The following NLK variants were observed in gnomAD, a reference collection of about 807,000 sequenced individuals.
The protein encoded by NLK is serine/threonine-protein kinase NLK.
NLK carries 11 observed loss-of-function variants against 59.0 expected under a neutral mutation model. The observed-to-expected ratio is 0.19, with a 90% CI of 0.12 to 0.31. The LOEUF is 0.31. Ranked by LOEUF, NLK falls within the 10% of genes least tolerant of loss-of-function variation. The probability of loss-of-function intolerance (pLI) is 1.00; values close to 1 mark genes in which losing one functional copy is unlikely to be tolerated. For missense variants in NLK, 410 were observed against 661.1 expected, an observed-to-expected ratio of 0.62 and a Z score of 4.16; for synonymous variants, 235 against 235.9, an observed-to-expected ratio of 1.00 and a Z score of 0.03.
intron 3 of NLK, among the ~76,000 whole-genome samples, chr17:28,133,980 A>G (rs35396850): frequency 2.4e-3 from 361 of 152,272 alleles, no homozygotes; most frequent in African/African-American, 8.2e-3. Flanking sequence ...GTCACTGATC[A>G]ACACTGCTGG....
intron 1 of NLK, among the ~76,000 whole-genome samples, chr17:28,079,810 C>G (rs1372076681): frequency 6.6e-6 from 1 of 152,116 alleles, no homozygotes; most frequent in Non-Finnish European, 1.5e-5. Flanking sequence ...CTTTGCTGGG[C>G]AAAAGTTTTT....
chr17:28,121,125 C>G (rs1281550510), intron 1 of NLK, among the ~76,000 whole-genome samples: 1 of 152,002 alleles, frequency 6.6e-6, no homozygotes, highest in Non-Finnish European at 1.5e-5. Context: ...CTGTATTACC[C>G]AGGCTGGTCT....
chr17:28,061,055 G>T (rs918779446), intron 1 of NLK, among the ~76,000 whole-genome samples: 1 of 152,034 alleles, frequency 6.6e-6, no homozygotes, highest in Non-Finnish European at 1.5e-5. Flanking sequence ...ATGGGGTCTG[G>T]CTCTGACACC....
chr17:28,101,248 A>G (rs964061937), intron 1 of NLK, among the ~76,000 whole-genome samples: 3 of 152,158 alleles, frequency 2.0e-5, no homozygotes, highest in Admixed American at 6.5e-5. Flanking sequence ...TGTTTTACCT[A>G]TTCTAGGTCC....
chr17:28,092,888 C>T (rs1194153916), intron 1 of NLK, among the ~76,000 whole-genome samples: 1 of 151,804 alleles, frequency 6.6e-6, no homozygotes, highest in African/African-American at 2.4e-5. Context: ...ATCCGCCTCC[C>T]GGGTTCAAAC....
chr17:28,152,323 G>C (rs1907514863), intron 3 of NLK, among the ~76,000 whole-genome samples: 1 of 152,126 alleles, frequency 6.6e-6, no homozygotes, highest in South Asian at 2.1e-4. Context: ...GTATCAGTTT[G>C]TTTCGTTTAT....
downstream of NLK, among the ~76,000 whole-genome samples, chr17:28,197,481 A>AC (rs1303025025): frequency 2.0e-5 from 3 of 152,074 alleles, no homozygotes; most frequent in Non-Finnish European, 4.4e-5. Flanking sequence ...AAAAAAAAAA[A>AC]AAACAGAAAC....
intron 2 of NLK, among the ~76,000 whole-genome samples, chr17:28,128,534 G>A (rs936126916): frequency 6.6e-6 from 1 of 152,074 alleles, no homozygotes; most frequent in South Asian, 2.1e-4. Context: ...AAAATTTCAC[G>A]AAAGAGGATA....
At chr17:28,074,948 T>G (rs1315226204) in intron 1 of NLK, among the ~76,000 whole-genome samples, 1 of 152,252 alleles carries the variant, frequency 6.6e-6, no homozygotes, top group African/African-American at 2.4e-5. Flanking sequence ...CGTATTTCAC[T>G]TGTAAATGTT....
At chr17:28,173,899 A>G (rs1270703018) in intron 7 of NLK, among the ~76,000 whole-genome samples, 1 of 152,238 alleles carries the variant, frequency 6.6e-6, no homozygotes, top group African/African-American at 2.4e-5. Context: ...CAAGGTAAAC[A>G]ATAATGAAGA....
At chr17:28,111,939 GTGTGTGTA>G (rs1222478468) in intron 1 of NLK, among the ~76,000 whole-genome samples, 103 of 146,588 alleles carry the variant, frequency 7.0e-4, no homozygotes, top group African/African-American at 2.4e-3. Flanking sequence ...GTGTGTGTGT[GTGTGTGTA>G]TGTGTAGGGA....
chr17:28,166,922 A>G (rs911694778), intron 5 of NLK, among the ~76,000 whole-genome samples: 2 of 152,258 alleles, frequency 1.3e-5, no homozygotes, highest in African/African-American at 4.8e-5. Flanking sequence ...GCATGAAGAA[A>G]TGAATGAACC....
chr17:28,148,250 C>T (rs1219514610), intron 3 of NLK, among the ~76,000 whole-genome samples: 1 of 152,042 alleles, frequency 6.6e-6, no homozygotes, highest in East Asian at 1.9e-4. Context: ...CCCCACCCCC[C>T]CACAAAAAGT....
At chr17:28,106,702 A>G (rs35724212) in intron 1 of NLK, among the ~76,000 whole-genome samples, 60 of 152,338 alleles carry the variant, frequency 3.9e-4, no homozygotes, top group Admixed American at 1.3e-3. Flanking sequence ...ATTATGGTGC[A>G]ATGAAATTGG....
intron 1 of NLK, among the ~76,000 whole-genome samples, chr17:28,102,993 A>G (rs78107814): frequency 0.05 from 7,593 of 152,228 alleles, 623 homozygotes; most frequent in African/African-American, 0.17. Flanking sequence ...TAAAGCATTC[A>G]TGTGGAGCAA....
downstream of NLK, among the ~76,000 whole-genome samples, chr17:28,198,382 G>T (rs1033876692): frequency 6.6e-6 from 1 of 152,122 alleles, no homozygotes; most frequent in African/African-American, 2.4e-5. Context: ...GGAGTGTAGT[G>T]GCGCAATCTC....
At chr17:28,178,506 A>G (rs1908772408) in intron 7 of NLK, among the ~76,000 whole-genome samples, 1 of 152,234 alleles carries the variant, frequency 6.6e-6, no homozygotes, top group African/African-American at 2.4e-5. Context: ...TAAAGAAGAT[A>G]GTTCTTCAAC....
chr17:28,180,564 G>A (rs1348136465), intron 7 of NLK, among the ~76,000 whole-genome samples: 1 of 152,166 alleles, frequency 6.6e-6, no homozygotes, highest in Non-Finnish European at 1.5e-5. Flanking sequence ...GTCTAGTAAT[G>A]GCAAGGATAG....
At chr17:28,050,445 CAT>C (rs1223725631) in intron 1 of NLK, among the ~76,000 whole-genome samples, 1 of 152,050 alleles carries the variant, frequency 6.6e-6, no homozygotes, top group Non-Finnish European at 1.5e-5. Flanking sequence ...ACATATAGCA[CAT>C]AAACAGTTAA....
Sources: gnomAD v4.1 joint callset for allele counts (sites outside exome capture counted in the v4.1 genomes callset) on GRCh38, gnomAD v4.1.1 for gene constraint, MANE v1.5 for transcripts, NCBI Gene and HGNC (gene_info 2026-07-23, HGNC 2026-07-21) for gene names.